Variants in TMEM151B observed in about 807,000 individuals in gnomAD.
TMEM151B encodes the protein transmembrane protein 151B, also known as transmembrane protein 193.
TMEM151B carries 18 observed loss-of-function variants against 33.0 expected under a neutral mutation model. That is an observed-to-expected ratio of 0.55 (90% CI 0.38 to 0.81). The LOEUF (loss-of-function observed/expected upper bound fraction) is 0.81. Ranked by LOEUF, TMEM151B falls within the 30% of genes least tolerant of loss-of-function variation. TMEM151B has a pLI of 0.00. For synonymous variants in TMEM151B, 354 were observed against 373.6 expected (o/e 0.95, Z 0.61); for missense variants, 672 against 843.4 (o/e 0.80, Z 2.52).
chr6:44,277,661 C>G lies in TMEM151B; in HGVS notation c.*1134C>G, dbSNP rs1007801997. On this transcript the variant is annotated 3_prime_UTR_variant, in exon 3 of 3. Coordinates refer to ENST00000451188, the MANE Select transcript of TMEM151B (RefSeq NM_001137560.2). ...CTGAGGACGTTGTCACAAGCCCCAACTGGAGAAATAATTCCAATGGCAGGG... is the reference window on the plus strand; with the variant it reads ...CTGAGGACGTTGTCACAAGCCCCAAGTGGAGAAATAATTCCAATGGCAGGG... 1.3e-5 allele frequency: 2 copies of G among 152,338 alleles called. No individual in the cohort carries two copies. The highest frequency in any genetic ancestry group is 6.5e-5 in the Admixed American group (1 of 15,294). 9.4% of individuals were successfully genotyped at this position (152,338 alleles called of 1,614,324 possible). A position where few individuals can be genotyped will look rare whatever the true frequency, so the allele number is the denominator to read the frequency against.
Position 44,271,372 on chromosome 6 carries a change from G to T in TMEM151B, c.135+495G>T, listed in dbSNP as rs532297019. Among the ~76,000 whole-genome samples, 7 of 119,760 alleles carry T rather than the reference G, an allele frequency of 5.8e-5. 1 individual carries two copies. In the South Asian group the frequency reaches 1.2e-3, roughly 20 times the overall value. The allele number at this position is 119,760 out of a possible 152,430, so 78.6% of individuals were successfully genotyped here. On this transcript the variant is annotated intron_variant, in intron 1 of 2. Coordinates refer to ENST00000451188, the MANE Select transcript of TMEM151B (RefSeq NM_001137560.2). ...GGGAGTGTGTGTGTGTGTGTGTGGG[G>T]GGGGGTGTGCACCTCTCTCTCACGA...
In TMEM151B at chr6:44,275,639, G is replaced by A; in HGVS notation, c.813G>A (p.Glu271=). Residue 271 remains glutamate, a synonymous_variant, in exon 3 of 3, where the codon GAG becomes GAA. Transcript: ENST00000451188. ...TAGACGACTACATGGAGGCACGCGA[G>A]GGCATGCACCTCAAGAACGTGGACT... The part of the protein sequence containing the change: ...EGLDDYMEAR[E]GMHLKNVDFR... The A allele has an allele frequency of 6.4e-7, 1 of 1,551,288 alleles. No homozygotes were observed. The highest frequency in any genetic ancestry group is 8.7e-7 in the Non-Finnish European group (1 of 1,146,752).
intron 2 of TMEM151B, among the ~76,000 whole-genome samples, chr6:44,274,955 A>G (rs1483533414): frequency 6.6e-6 from 1 of 151,912 alleles, no homozygotes; most frequent in Non-Finnish European, 1.5e-5. Context: ...CGTCTCTACT[A>G]AAAACACAAA....
chr6:44,276,308 C>A lies in TMEM151B; in HGVS notation c.1482C>A (p.Ser494Arg). 1 of 1,437,560 alleles carries A rather than the reference C, an allele frequency of 7.0e-7. No individual in the cohort carries two copies. Among genetic ancestry groups the A allele is most frequent in the South Asian group, 1.4e-5 (1 of 72,916 alleles). The allele number at this position is 1,437,560 out of a possible 1,614,324, so 89.1% of individuals were successfully genotyped here. The stretch of plus-strand genomic sequence containing the variant: ...GCCTGTGGCGCAGCCGCAGCGGGAG[C>A]GTCAACGAGGCCAGCTGCCCCACGG... ...RSCLWRSRSG[S>R]VNEASCPTEQ... The change falls in exon 3 of 3, where the codon AGC becomes AGA. Residue 494 changes from serine (S) to arginine (R), a missense_variant. Coordinates refer to ENST00000451188, the MANE Select transcript of TMEM151B (RefSeq NM_001137560.2).
In TMEM151B at chr6:44,276,197, G is replaced by GCGGGC; in HGVS notation, c.1375_1379dup (p.Gly462AlafsTer103). Reference sequence around the variant, plus strand: ...GCGCCCTAAGCATCTGCGCCAGCCCGCGGGCCGGCCCGGGGCCCGGTGGGG... The same window carrying GCGGGC: ...GCGCCCTAAGCATCTGCGCCAGCCCGCGGGCCGGGCCGGCCCGGGGCCCGGTGGGG... On this transcript the variant is annotated frameshift_variant, in exon 3 of 3. Coordinates refer to ENST00000451188, the MANE Select transcript of TMEM151B (RefSeq NM_001137560.2). LOFTEE classifies it low-confidence loss of function (END_TRUNC). 1 of 1,288,836 alleles carries GCGGGC rather than the reference G, an allele frequency of 7.8e-7. No homozygotes were observed. The highest frequency in any genetic ancestry group is 9.8e-7 in the Non-Finnish European group (1 of 1,022,476). The allele number at this position is 1,288,836 out of a possible 1,614,324, so 79.8% of individuals were successfully genotyped here. A position where few individuals can be genotyped will look rare whatever the true frequency, so the allele number is the denominator to read the frequency against.
In TMEM151B at chr6:44,279,029, C is replaced by T. The variant is rs12943; in HGVS notation, c.*2502C>T. The stretch of plus-strand genomic sequence containing the variant: ...GGTGCTCTGCTCAGCGCCTGCTTAG[C>T]GGAAGGAGTCCCTGGAGAGCAGGCA... On this transcript the variant is annotated 3_prime_UTR_variant, in exon 3 of 3. Coordinates refer to ENST00000451188, the MANE Select transcript of TMEM151B (RefSeq NM_001137560.2). 108,860 of 152,134 alleles carry T rather than the reference C, an allele frequency of 0.72. 40,182 individuals are homozygous for T. The highest frequency in any genetic ancestry group is 0.81 in the Non-Finnish European group (55,148 of 68,020). 9.4% of individuals were successfully genotyped at this position (152,134 alleles called of 1,614,324 possible).
rs1285031056 is a variant in TMEM151B at position 44,276,630 on chromosome 6, CG to C, written c.*109del. The stretch of plus-strand genomic sequence containing the variant: ...AGTCACCACGGTGACTGAGGCCGCG[CG>C]GGGGGCAGGGAAAGGGAGGTGAGGG... On this transcript the variant is annotated 3_prime_UTR_variant, in exon 3 of 3. Transcript: ENST00000451188. 2.3e-6 allele frequency: 3 copies of C among 1,281,964 alleles called. No individual in the cohort carries two copies. Among genetic ancestry groups the C allele is most frequent in the Non-Finnish European group, 3.0e-6 (3 of 1,014,478 alleles). The allele number at this position is 1,281,964 out of a possible 1,614,324, so 79.4% of individuals were successfully genotyped here. A position where few individuals can be genotyped will look rare whatever the true frequency, so the allele number is the denominator to read the frequency against.
intron 2 of TMEM151B, 50 bp downstream of exon 2, chr6:44,273,556 T>G: frequency 6.7e-7 from 1 of 1,494,020 alleles, no homozygotes; most frequent in Non-Finnish European, 9.0e-7. Context: ...AGGTGGCACT[T>G]ACGTGCTGCC....
Position 44,277,465 on chromosome 6 carries a change from TG to T in TMEM151B, c.*941del, listed in dbSNP as rs1782637399. ...AAGGGGAGAGAGCATGACATAGACCTGGGTGGCAACGGGGACCTCTGGAAGC... is the reference window on the plus strand; with the variant it reads ...AAGGGGAGAGAGCATGACATAGACCTGGTGGCAACGGGGACCTCTGGAAGC... On this transcript the variant is annotated 3_prime_UTR_variant, in exon 3 of 3. Coordinates refer to ENST00000451188, the MANE Select transcript of TMEM151B (RefSeq NM_001137560.2). 6.6e-6 allele frequency: 1 copy of T among 152,264 alleles called. No homozygotes were observed. Among genetic ancestry groups the T allele is most frequent in the African/African-American group, 2.4e-5 (1 of 41,394 alleles). 9.4% of individuals were successfully genotyped at this position (152,264 alleles called of 1,614,324 possible). A position where few individuals can be genotyped will look rare whatever the true frequency, so the allele number is the denominator to read the frequency against.
At position 44,276,738 on chromosome 6, in the gene TMEM151B, CTCCCCGAGA is replaced by C. The variant is rs1263270775; in HGVS notation, c.*217_*225del. 4.8e-6 allele frequency: 5 copies of C among 1,050,528 alleles called. No individual in the cohort carries two copies. The highest frequency in any genetic ancestry group is 6.1e-6 in the Non-Finnish European group (5 of 823,616). The allele number at this position is 1,050,528 out of a possible 1,614,324, so 65.1% of individuals were successfully genotyped here. On this transcript the variant is annotated 3_prime_UTR_variant, in exon 3 of 3. Transcript: ENST00000451188. ...CCGATGGGTGGGAGGGGGTCGGCTG[CTCCCCGAGA>C]TCCCCCTGGCAGAGTCATTCTTCCA...
In TMEM151B at chr6:44,276,413, C is replaced by A; in HGVS notation, c.1587C>A (p.Pro529=). 1 of 1,513,194 alleles carries A rather than the reference C, an allele frequency of 6.6e-7. No homozygotes were observed. Among genetic ancestry groups the A allele is most frequent in the Admixed American group, 2.0e-5 (1 of 49,212 alleles). The allele number at this position is 1,513,194 out of a possible 1,614,324, so 93.7% of individuals were successfully genotyped here. The part of the protein sequence containing the change: ...DDEEEAGPPP[P]YHDALYFPVL... ...AGGAGGAGGCCGGGCCGCCGCCGCC[C>A]TACCACGACGCCCTCTACTTTCCGG... The change falls in exon 3 of 3, where the codon CCC becomes CCA. Residue 529 remains proline, a synonymous_variant. Transcript: ENST00000451188.
Position 44,278,851 on chromosome 6 carries a change from C to A in TMEM151B, c.*2324C>A, listed in dbSNP as rs1043437954. The A allele has an allele frequency of 1.4e-5, 2 of 143,442 alleles. No individual in the cohort carries two copies. The highest frequency in any genetic ancestry group is 7.4e-5 in the Admixed American group (1 of 13,468). 8.9% of individuals were successfully genotyped at this position (143,442 alleles called of 1,614,324 possible). A position where few individuals can be genotyped will look rare whatever the true frequency, so the allele number is the denominator to read the frequency against. On this transcript the variant is annotated 3_prime_UTR_variant, in exon 3 of 3. Transcript: ENST00000451188. ...GTTCTTGTTTCTCTAATTAGAACTT[C>A]TGCTAGCAGCTGTGGCTATACACAC...
Position 44,273,481 on chromosome 6 carries a change from A to G in TMEM151B, c.551A>G (p.Asn184Ser), listed in dbSNP as rs775349160. The change falls in exon 2 of 3, where the codon AAT becomes AGT. Residue 184 changes from asparagine (N) to serine (S), a missense_variant. Asn to Ser is a conservative substitution (Grantham distance 46). Transcript: ENST00000451188. ...ACCCGCCAGGTCACCAGATACCGCA[A>G]TGGAGACGCCTATACCACCACCCAG... ...RRTRQVTRYR[N>S]GDAYTTTQVY... The G allele has an allele frequency of 5.8e-6, 9 of 1,549,692 alleles. No homozygotes were observed. Among genetic ancestry groups the G allele is most frequent in the Admixed American group, 2.0e-5 (1 of 50,960 alleles).
intron 2 of TMEM151B, among the ~76,000 whole-genome samples, chr6:44,275,131 A>AAAAAG (rs1782524459): frequency 7.0e-6 from 1 of 142,316 alleles, no homozygotes; most frequent in African/African-American, 2.5e-5. Flanking sequence ...AAAAAAAAAA[A>AAAAAG]AAAAAGAAAA....
chr6:44,276,969 T>TG lies in TMEM151B; in HGVS notation c.*446dup. ...TCCTTCCTTCGTGGCCTCACTCCCC[T>TG]GGGGCCTCTCTCTATGGAGGGGGCA... is the stretch of plus-strand genomic sequence containing the variant. On this transcript the variant is annotated 3_prime_UTR_variant, in exon 3 of 3. Transcript: ENST00000451188. 6.4e-6 allele frequency: 1 copy of TG among 156,736 alleles called. No individual in the cohort carries two copies. Among genetic ancestry groups the TG allele is most frequent in the Middle Eastern group, 3.2e-3 (1 of 312 alleles). 9.7% of individuals were successfully genotyped at this position (156,736 alleles called of 1,614,324 possible).
chr6:44,275,052 A>G (rs190669824), intron 2 of TMEM151B, among the ~76,000 whole-genome samples: 5,893 of 147,004 alleles, frequency 0.04, 214 homozygotes, highest in East Asian at 0.18. Flanking sequence ...CGGGAGGCGG[A>G]GCTTGCAGTG....
chr6:44,270,829 G>GGCGGCGGCGGCA lies in TMEM151B; in HGVS notation c.99_110dup (p.Ala34_Ala37dup). The GGCGGCGGCGGCA allele has an allele frequency of 8.9e-7, 1 of 1,128,264 alleles. No homozygotes were observed. The highest frequency in any genetic ancestry group is 4.6e-5 in the East Asian group (1 of 21,652). 69.9% of individuals were successfully genotyped at this position (1,128,264 alleles called of 1,614,324 possible). A position where few individuals can be genotyped will look rare whatever the true frequency, so the allele number is the denominator to read the frequency against. ...GCCCCGGGGTCTCGGAGGAGCTCAC[G>GGCGGCGGCGGCA]GCGGCGGCGGCAGCGGCGGCGGCGG... On this transcript the variant is annotated inframe_insertion, in exon 1 of 3. Coordinates refer to ENST00000451188, the MANE Select transcript of TMEM151B (RefSeq NM_001137560.2).
chr6:44,276,186 TGCGCCAGCCCGC>T lies in TMEM151B; in HGVS notation c.1362_1373del (p.Cys454_Arg458delinsTrp). 1 of 1,291,364 alleles carries T rather than the reference TGCGCCAGCCCGC, an allele frequency of 7.7e-7. No individual in the cohort carries two copies. Among genetic ancestry groups the T allele is most frequent in the Non-Finnish European group, 9.8e-7 (1 of 1,024,414 alleles). The allele number at this position is 1,291,364 out of a possible 1,614,324, so 80.0% of individuals were successfully genotyped here. ...CTTCTCGCGCAGCGCCCTAAGCATC[TGCGCCAGCCCGC>T]GGGCCGGCCCGGGGCCCGGTGGGGG... is the stretch of plus-strand genomic sequence containing the variant. On this transcript the variant is annotated inframe_deletion, in exon 3 of 3. Transcript: ENST00000451188.
chr6:44,272,945 C>A, intron 1 of TMEM151B, 121 bp from the exon 2 acceptor site: 1 of 851,846 alleles, frequency 1.2e-6, no homozygotes, highest in Non-Finnish European at 1.8e-6. Context: ...CCCTGTTTCT[C>A]TCTGCCTGTT....
Sources: allele counts gnomAD v4.1 joint callset (sites outside exome capture counted in the v4.1 genomes callset), GRCh38; gene constraint gnomAD v4.1.1; transcripts MANE v1.5; gene names NCBI Gene and HGNC (gene_info 2026-07-23, HGNC 2026-07-21).